TNS3: variants seen among roughly 807,000 people sequenced by gnomAD.
TNS3 encodes tensin 3, also known as tensin-3.
In TNS3, 45 loss-of-function variants were observed where a neutral mutation model predicts 140.9. That is an observed-to-expected ratio of 0.32 (90% CI 0.25 to 0.41). The LOEUF is 0.41. Ranked by LOEUF, TNS3 falls within the 10% of genes least tolerant of loss-of-function variation. The pLI, the probability that TNS3 is intolerant of heterozygous loss-of-function variation, is 1.00. For missense variants in TNS3, 1,716 were observed against 1,906.7 expected, an observed-to-expected ratio of 0.90 and a Z score of 1.86; for synonymous variants, 815 against 788.4, an observed-to-expected ratio of 1.03 and a Z score of -0.56.
rs1282350138 is a variant in TNS3 at position 47,539,790 on chromosome 7, C to A, written c.-264-10643G>T. 3.3e-5 allele frequency among the ~76,000 whole-genome samples: 5 copies of A among 152,330 alleles called. No individual in the cohort carries two copies. In the East Asian group the frequency reaches 7.7e-4, roughly 24 times the overall value. On this transcript the variant is annotated intron_variant, in intron 1 of 30. Coordinates refer to ENST00000311160, the MANE Select transcript of TNS3 (RefSeq NM_022748.12). ...AACCTTGTCTGGGATTTTCCACACA[C>A]AGCACCAAGCAGGAGCAATAAACAC... is the stretch of plus-strand genomic sequence containing the variant.
intron 1 of TNS3, among the ~76,000 whole-genome samples, chr7:47,531,720 A>T (rs1017487508): frequency 1.3e-5 from 2 of 152,258 alleles, no homozygotes; most frequent in Admixed American, 1.3e-4. Context: ...CGCTGGCTGC[A>T]GCAGGGAGGT....
chr7:47,541,542 G>A (rs552946933), intron 1 of TNS3, among the ~76,000 whole-genome samples: 1 of 152,094 alleles, frequency 6.6e-6, no homozygotes, highest in East Asian at 1.9e-4. Flanking sequence ...GCCTGAAGAG[G>A]CTCCCACCAG....
chr7:47,368,213 A>G, intron 17 of TNS3, 152 bp downstream of exon 17: 1 of 828,516 alleles, frequency 1.2e-6, no homozygotes, highest in Non-Finnish European at 1.7e-6. Flanking sequence ...TTTGGATCCT[A>G]GGCCAAAATT....
intron 8 of TNS3, among the ~76,000 whole-genome samples, chr7:47,429,380 T>TTC (rs1003901816): frequency 1.3e-5 from 2 of 151,860 alleles, no homozygotes; most frequent in African/African-American, 4.8e-5. Flanking sequence ...CTCTTTTTTT[T>TTC]TTGGAGACGG....
intron 4 of TNS3, among the ~76,000 whole-genome samples, chr7:47,443,428 C>T (rs561742641): frequency 9.9e-5 from 15 of 152,276 alleles, no homozygotes; most frequent in Non-Finnish European, 1.8e-4. Flanking sequence ...GCAGGAGGCT[C>T]CAAACATGTT....
chr7:47,488,275 C>T (rs1797684066), intron 3 of TNS3, among the ~76,000 whole-genome samples: 1 of 152,204 alleles, frequency 6.6e-6, no homozygotes, highest in African/African-American at 2.4e-5. Flanking sequence ...TCCCCTCATT[C>T]CCAGTGCTGA....
intron 10 of TNS3, 151 bp downstream of exon 10, chr7:47,423,950 A>C (rs925769746): frequency 2.7e-5 from 20 of 751,992 alleles, no homozygotes; most frequent in Non-Finnish European, 2.1e-5. Context: ...GGGAGGGACA[A>C]GTCTCCCCAC....
At chr7:47,300,022 C>T (rs915007467) in intron 23 of TNS3, among the ~76,000 whole-genome samples, 5 of 152,202 alleles carry the variant, frequency 3.3e-5, no homozygotes, top group African/African-American at 1.2e-4. Flanking sequence ...GTCCTCTTTT[C>T]CTCCTGAGGT....
intron 10 of TNS3, among the ~76,000 whole-genome samples, chr7:47,418,570 C>T (rs1363822575): frequency 2.0e-5 from 3 of 152,232 alleles, no homozygotes; most frequent in Non-Finnish European, 4.4e-5. Context: ...TTTATAAAAA[C>T]AGCTCCATTA....
rs771075322 is a variant in TNS3 at position 47,506,943 on chromosome 7, G to A, written c.-151C>T. 3 of 1,286,576 alleles carry A rather than the reference G, an allele frequency of 2.3e-6. No individual in the cohort carries two copies. The South Asian group carries it at 3.7e-5, about 16-fold the overall frequency. 79.7% of individuals were successfully genotyped at this position (1,286,576 alleles called of 1,614,324 possible). The stretch of plus-strand genomic sequence containing the variant: ...ATTTCTTGTGGCAGGAATACTTGCA[G>A]GCTGGGAAAAAAAAAAAGAGAAAGA... On this transcript the variant is annotated splice_region_variant and 5_prime_UTR_variant, in exon 3 of 31. Coordinates refer to ENST00000311160, the MANE Select transcript of TNS3 (RefSeq NM_022748.12).
At chr7:47,308,682 T>C (rs1327202101) in intron 20 of TNS3, among the ~76,000 whole-genome samples, 2 of 152,210 alleles carry the variant, frequency 1.3e-5, no homozygotes, top group Non-Finnish European at 2.9e-5. Context: ...GGAGTCATGC[T>C]CCATCTAGTG....
intron 16 of TNS3, among the ~76,000 whole-genome samples, chr7:47,389,150 G>GC (rs1792347985): frequency 4.2e-5 from 2 of 47,068 alleles, no homozygotes; most frequent in African/African-American, 1.0e-4. Context: ...AGAAGAAGAA[G>GC]AAGAAGCAGA....
At chr7:47,416,796 T>C (rs1372867398) in intron 10 of TNS3, among the ~76,000 whole-genome samples, 1 of 152,184 alleles carries the variant, frequency 6.6e-6, no homozygotes, top group African/African-American at 2.4e-5. Flanking sequence ...ATTTTACGCA[T>C]TGTGGATTTC....
intron 1 of TNS3, among the ~76,000 whole-genome samples, chr7:47,544,557 T>C (rs1799871524): frequency 6.6e-6 from 1 of 152,080 alleles, no homozygotes; most frequent in Non-Finnish European, 1.5e-5. Context: ...AGAAGGTGCC[T>C]TGGATGAACC....
chr7:47,463,665 C>G (rs772763893), intron 4 of TNS3, among the ~76,000 whole-genome samples: 2 of 152,166 alleles, frequency 1.3e-5, no homozygotes, highest in Non-Finnish European at 2.9e-5. Flanking sequence ...ACTAAATAGA[C>G]TGTGGAAAGG....
At chr7:47,359,166 TAAACA>T (rs1244808639) in intron 17 of TNS3, among the ~76,000 whole-genome samples, 1 of 152,084 alleles carries the variant, frequency 6.6e-6, no homozygotes, top group Non-Finnish European at 1.5e-5. Context: ...GAGGAATGAA[TAAACA>T]AACTGTGCTC....
In TNS3 at chr7:47,368,936, G is replaced by A. The variant is rs771332835; in HGVS notation, c.1710C>T (p.Pro570=). Residue 570 remains proline, a synonymous_variant, in exon 17 of 31, where the codon CCC becomes CCT. Transcript: ENST00000311160. ...AGGCCTGCATCTGGGCGGACACTGA[G>A]GGCTTTCTCAGCAGGGGCTGGGGCT... The part of the protein sequence containing the change: ...PKQPQPLLRK[P]SVSAQMQAYG... 6.2e-7 allele frequency: 1 copy of A among 1,613,576 alleles called. No individual in the cohort carries two copies. Among genetic ancestry groups the A allele is most frequent in the South Asian group, 1.1e-5 (1 of 91,016 alleles).
chr7:47,383,526 G>T (rs902318885), intron 16 of TNS3, among the ~76,000 whole-genome samples: 40 of 152,186 alleles, frequency 2.6e-4, no homozygotes, highest in Admixed American at 1.3e-3. Flanking sequence ...ACTTTAAAAT[G>T]ATTAGAATGG....
chr7:47,319,948 G>A (rs1445158195), intron 20 of TNS3, among the ~76,000 whole-genome samples: 3 of 152,194 alleles, frequency 2.0e-5, no homozygotes, highest in African/African-American at 7.2e-5. Flanking sequence ...TGTGAGCAAT[G>A]AGGAATGCAA....
Sources: gnomAD v4.1 joint callset for allele counts (sites outside exome capture counted in the v4.1 genomes callset) on GRCh38, gnomAD v4.1.1 for gene constraint, MANE v1.5 for transcripts, NCBI Gene and HGNC (gene_info 2026-07-23, HGNC 2026-07-21) for gene names.